The following KLRD1 variants were observed in gnomAD, a reference collection of about 807,000 sequenced individuals.
KLRD1 encodes natural killer cells antigen CD94.
In KLRD1, 21 loss-of-function variants were observed where a neutral mutation model predicts 22.6. That is an observed-to-expected ratio of 0.93 (90% CI 0.66 to 1.34). The LOEUF (loss-of-function observed/expected upper bound fraction) is 1.34, where lower values mean the gene tolerates loss of function less well. KLRD1 is among the 40% of genes most tolerant of loss of function. The probability of loss-of-function intolerance (pLI) is 0.00; values close to 1 mark genes in which losing one functional copy is unlikely to be tolerated. For synonymous variants in KLRD1, 59 were observed against 71.1 expected (o/e 0.83, Z 0.85); for missense variants, 183 against 208.6 (o/e 0.88, Z 0.76).
upstream of KLRD1, among the ~76,000 whole-genome samples, chr12:10,306,329 T>A (rs1849258776): frequency 1.3e-5 from 2 of 152,110 alleles, no homozygotes; most frequent in South Asian, 4.1e-4. Context: ...TGAAGTAAAC[T>A]TGTATTTGTT....
intron 4 of KLRD1, 157 bp downstream of exon 4, chr12:10,311,772 G>A (rs1464199062): frequency 1.8e-6 from 1 of 543,134 alleles, no homozygotes; most frequent in Non-Finnish European, 3.1e-6. Context: ...AGTAGTCATT[G>A]TAAAATCTTT....
chr12:10,239,525 T>TTCTTTCTCTTTCTTTCTTTCTTTC (rs746968078), intron 1 of KLRD1, among the ~76,000 whole-genome samples: 1 of 45,916 alleles, frequency 2.2e-5, no homozygotes, highest in Non-Finnish European at 4.2e-5. Context: ...TCCCCTTTCT[T>TTCTTTCTCTTTCTTTCTTTCTTTC]TCTTTCTTTC....
chr12:10,294,632 C>G (rs1949806530), intron 1 of KLRD1, among the ~76,000 whole-genome samples: 1 of 152,058 alleles, frequency 6.6e-6, no homozygotes, highest in Admixed American at 6.6e-5. Context: ...AACTCCTGAC[C>G]TCACATGATC....
Position 10,250,306 on chromosome 12 carries a change from C to A in KLRD1, c.-101+24073C>A, listed in dbSNP as rs1010479603. Among the ~76,000 whole-genome samples, 3 of 146,134 alleles carry A rather than the reference C, an allele frequency of 2.1e-5. No individual in the cohort carries two copies. The South Asian group carries it at 6.6e-4, about 32-fold the overall frequency. ...TTCCCCTGAGTCATTTGGCCCCAAA[C>A]ATTTTAGCATACCCAAAGGCGCCAG... On this transcript the variant is annotated intron_variant, in intron 1 of 5. Coordinates refer to the KLRD1 transcript ENST00000544747.
At chr12:10,284,912 C>T (rs946593720) in intron 1 of KLRD1, among the ~76,000 whole-genome samples, 5 of 151,992 alleles carry the variant, frequency 3.3e-5, no homozygotes, top group South Asian at 4.1e-4. Flanking sequence ...ACCTGGGAGG[C>T]GGAGGTTGCG....
intron 1 of KLRD1, among the ~76,000 whole-genome samples, chr12:10,248,761 C>A (rs527599933): frequency 1.3e-5 from 2 of 151,986 alleles, no homozygotes; most frequent in Admixed American, 6.6e-5. Context: ...CCACACCCGG[C>A]TACTTTTTGT....
At chr12:10,288,507 G>A (rs1949732825) in intron 1 of KLRD1, among the ~76,000 whole-genome samples, 1 of 152,152 alleles carries the variant, frequency 6.6e-6, no homozygotes, top group Non-Finnish European at 1.5e-5. Flanking sequence ...GGTAGACAAA[G>A]GTTAGTGAGA....
Position 10,325,491 on chromosome 12 carries a change from A to C in KLRD1, c.*10698A>C, listed in dbSNP as rs1422471107. The C allele has an allele frequency of 1.3e-5, 2 of 152,180 alleles. No homozygotes were observed. The highest frequency in any genetic ancestry group is 2.9e-5 in the Non-Finnish European group (2 of 68,020). The allele number at this position is 152,180 out of a possible 1,614,324, so 9.4% of individuals were successfully genotyped here. Reference sequence around the variant, plus strand: ...ATAATTTATTCATCTTGCATAATTGAGGCTTTATGCCCTTTGATTAACGAC... The same window carrying C: ...ATAATTTATTCATCTTGCATAATTGCGGCTTTATGCCCTTTGATTAACGAC... On this transcript the variant is annotated 3_prime_UTR_variant, in exon 6 of 6. Transcript: ENST00000336164.
intron 1 of KLRD1, among the ~76,000 whole-genome samples, chr12:10,271,459 C>A (rs1949549222): frequency 6.6e-6 from 1 of 151,924 alleles, no homozygotes; most frequent in Non-Finnish European, 1.5e-5. Flanking sequence ...AGTGTAGGGA[C>A]AAGAAATCAA....
Position 10,323,903 on chromosome 12 carries a change from C to T in KLRD1, c.*9110C>T, listed in dbSNP as rs1265348537. The T allele has an allele frequency of 8.7e-6, 1 of 114,476 alleles. No homozygotes were observed. The highest frequency in any genetic ancestry group is 3.1e-5 in the African/African-American group (1 of 32,726). 7.1% of individuals were successfully genotyped at this position (114,476 alleles called of 1,614,324 possible). On this transcript the variant is annotated 3_prime_UTR_variant, in exon 6 of 6. Coordinates refer to ENST00000336164, the MANE Select transcript of KLRD1 (RefSeq NM_002262.5). ...TTGAGACTGAGTATTGCTCTGTCACCCAGATTAGAGTGCAGTGGTGTGATC... is the reference window on the plus strand; with the variant it reads ...TTGAGACTGAGTATTGCTCTGTCACTCAGATTAGAGTGCAGTGGTGTGATC...
At chr12:10,312,369 T>G (rs1020557102) in intron 4 of KLRD1, among the ~76,000 whole-genome samples, 4 of 144,076 alleles carry the variant, frequency 2.8e-5, no homozygotes, top group African/African-American at 1.0e-4. Flanking sequence ...CCCAATTCTT[T>G]TTTGTTTGTT....
rs750696767 is a variant in KLRD1, at chr12:10,324,818, G to GTGTGTGTGTGTATA, written c.*10026_*10027insGTGTGTGTGTATAT. 1.7e-3 allele frequency: 128 copies of GTGTGTGTGTGTATA among 74,156 alleles called. 1 individual carries two copies. Among genetic ancestry groups the GTGTGTGTGTGTATA allele is most frequent in the Admixed American group, 4.6e-3 (22 of 4,736 alleles). 4.6% of individuals were successfully genotyped at this position (74,156 alleles called of 1,614,324 possible). A position where few individuals can be genotyped will look rare whatever the true frequency, so the allele number is the denominator to read the frequency against. On this transcript the variant is annotated 3_prime_UTR_variant, in exon 6 of 6. Coordinates refer to ENST00000336164, the MANE Select transcript of KLRD1 (RefSeq NM_002262.5). ...AGTATATATGTATATGTGTGTGTGT[G>GTGTGTGTGTGTATA]TATATATATATATATATATATATAT...
At position 10,313,426 on chromosome 12, in the gene KLRD1, G is replaced by A. The variant is rs775051949; in HGVS notation, c.332G>A (p.Ser111Asn). 6 of 1,600,934 alleles carry A rather than the reference G, an allele frequency of 3.7e-6. No homozygotes were observed. In the Admixed American group the frequency reaches 6.8e-5, roughly 18 times the overall value. The change falls in exon 5 of 6, where the codon AGT becomes AAT. Residue 111 changes from serine to asparagine, a missense_variant. Coordinates refer to ENST00000336164, the MANE Select transcript of KLRD1 (RefSeq NM_002262.5). The stretch of plus-strand genomic sequence containing the variant: ...TTGAAGCAGGATTTTATGAGCTCCA[G>A]TCAACAATTTTACTGGATTGGACTC... ...NTDELDFMSS[S>N]QQFYWIGLSY...
intron 1 of KLRD1, among the ~76,000 whole-genome samples, chr12:10,241,117 A>G (rs1251077470): frequency 2.6e-5 from 4 of 152,150 alleles, no homozygotes; most frequent in African/African-American, 7.2e-5. Context: ...TCTTTTATGT[A>G]ATGTCAGCAG....
intron 1 of KLRD1, among the ~76,000 whole-genome samples, chr12:10,284,021 C>CA (rs10706142): frequency 0.73 from 94,279 of 129,100 alleles, 36,456 homozygotes; most frequent in Non-Finnish European, 0.87. Flanking sequence ...ATTAAAAATA[C>CA]AAAAAAAAAA....
chr12:10,260,101 TC>T (rs1949437922), intron 1 of KLRD1, among the ~76,000 whole-genome samples: 1 of 16,960 alleles, frequency 5.9e-5, no homozygotes, highest in South Asian at 5.1e-3. Flanking sequence ...GATGCTCATA[TC>T]ATTCCCATCT....
At chr12:10,265,077 A>C (rs539465821) in intron 1 of KLRD1, among the ~76,000 whole-genome samples, 31 of 152,272 alleles carry the variant, frequency 2.0e-4, no homozygotes, top group African/African-American at 7.5e-4. Context: ...GTACACATAC[A>C]TGCAAACACA....
At position 10,279,732 on chromosome 12, in the gene KLRD1, C is replaced by T. The variant is rs1949623554; in HGVS notation, c.-100-28246C>T. ...CCATCCTTATATTATTTCTTATTCT[C>T]ATTACATCAAAATTTTTCCTGCCTC... On this transcript the variant is annotated intron_variant, in intron 1 of 5. Transcript: ENST00000544747. 2.0e-5 allele frequency among the ~76,000 whole-genome samples: 3 copies of T among 152,258 alleles called. No homozygotes were observed. The South Asian group carries it at 6.2e-4, about 32-fold the overall frequency.
At chr12:10,296,896 TC>T (rs1420249286) in intron 1 of KLRD1, among the ~76,000 whole-genome samples, 1 of 152,216 alleles carries the variant, frequency 6.6e-6, no homozygotes, top group African/African-American at 2.4e-5. Flanking sequence ...AGACACTGTT[TC>T]AGAGAGCAAT....
Sources: allele counts gnomAD v4.1 joint callset (sites outside exome capture counted in the v4.1 genomes callset), GRCh38; gene constraint gnomAD v4.1.1; transcripts MANE v1.5; gene names NCBI Gene and HGNC (gene_info 2026-07-23, HGNC 2026-07-21).